Variants in SPRY3 observed in about 807,000 individuals in gnomAD.
SPRY3 encodes sprouty RTK signaling antagonist 3.
In SPRY3, 15 loss-of-function variants were observed where a neutral mutation model predicts 20.2. The observed-to-expected ratio is 0.74, with a 90% confidence interval of 0.50 to 1.14. The LOEUF (loss-of-function observed/expected upper bound fraction) is 1.14. Ranked by LOEUF, SPRY3 falls within the 50% of genes most tolerant of loss-of-function variation. The pLI is 0.00. For synonymous variants in SPRY3, 143 were observed against 136.5 expected, an observed-to-expected ratio of 1.05 and a Z score of -0.33; for missense variants, 364 against 363.9, an observed-to-expected ratio of 1.00 and a Z score of 0.00.
intron 2 of SPRY3, among the ~76,000 whole-genome samples, chrX:155,692,395 A>T (rs1373203864): frequency 1.8e-5 from 2 of 111,482 alleles, no homozygotes; most frequent in Non-Finnish European, 3.8e-5. Flanking sequence ...AGTGACCTAT[A>T]TGTCTATGCT....
intron 2 of SPRY3, among the ~76,000 whole-genome samples, chrX:155,757,642 A>C (rs2091288532): frequency 6.6e-6 from 1 of 152,128 alleles, no homozygotes; most frequent in Admixed American, 6.5e-5. Flanking sequence ...GATACATCCA[A>C]GGATCATTTG....
chrX:155,681,745 T>C (rs747004896), intron 2 of SPRY3, among the ~76,000 whole-genome samples: 1 of 112,625 alleles, frequency 8.9e-6, no homozygotes, highest in Non-Finnish European at 1.9e-5. Flanking sequence ...AGAATTCCCT[T>C]AAGCTGAAGC....
intron 2 of SPRY3, among the ~76,000 whole-genome samples, chrX:155,728,921 A>G (rs2091116414): frequency 6.6e-6 from 1 of 152,204 alleles, no homozygotes; most frequent in African/African-American, 2.4e-5. Flanking sequence ...AGAAGTAGCT[A>G]TACATATACA....
downstream of SPRY3, chrX:155,778,386 A>C (rs990961226): frequency 6.0e-6 from 1 of 167,004 alleles, no homozygotes; most frequent in Non-Finnish European, 1.5e-5. Context: ...AAACTTTTCC[A>C]CTATTCCCTT....
intron 2 of SPRY3, among the ~76,000 whole-genome samples, chrX:155,699,347 A>G (rs981208791): frequency 6.2e-5 from 7 of 112,012 alleles, no homozygotes; most frequent in African/African-American, 1.9e-4. Context: ...GCATTGAGCT[A>G]GAATAGTTGA....
intron 2 of SPRY3, among the ~76,000 whole-genome samples, chrX:155,699,334 G>T (rs1047704277): frequency 9.0e-6 from 1 of 111,711 alleles, no homozygotes; most frequent in Non-Finnish European, 1.9e-5. Context: ...AACCTTGTAA[G>T]AAGCATTGAG....
At chrX:155,746,242 T>C (rs749887640) in intron 2 of SPRY3, among the ~76,000 whole-genome samples, 16 of 152,180 alleles carry the variant, frequency 1.1e-4, no homozygotes, top group South Asian at 6.2e-4. Flanking sequence ...ATCTTTTACA[T>C]TGATTTGTTT....
chrX:155,747,168 A>ATAAT (rs772711262), intron 2 of SPRY3, among the ~76,000 whole-genome samples: 170 of 152,106 alleles, frequency 1.1e-3, no homozygotes, highest in African/African-American at 4.0e-3. Context: ...ACTTCAGCAC[A>ATAAT]TAATTATAGA....
chrX:155,656,747 A>G (rs1330023946), intron 1 of SPRY3, among the ~76,000 whole-genome samples: 7 of 110,886 alleles, frequency 6.3e-5, no homozygotes, highest in African/African-American at 2.3e-4. Context: ...TCTACCTTTG[A>G]TCTTTGAGAT....
At chrX:155,645,374 T>C (rs1229219425) in intron 1 of SPRY3, among the ~76,000 whole-genome samples, 1 of 111,893 alleles carries the variant, frequency 8.9e-6, no homozygotes, top group Non-Finnish European at 1.9e-5. Context: ...ATTTCAACAC[T>C]AGGAGTCACC....
At chrX:155,722,418 G>A (rs2091065629) in intron 2 of SPRY3, among the ~76,000 whole-genome samples, 1 of 152,104 alleles carries the variant, frequency 6.6e-6, no homozygotes, top group Non-Finnish European at 1.5e-5. Flanking sequence ...CTACTCAGGA[G>A]GCTGAGGCAG....
At chrX:155,723,262 T>C (rs751789851) in intron 2 of SPRY3, among the ~76,000 whole-genome samples, 1 of 152,288 alleles carries the variant, frequency 6.6e-6, no homozygotes, top group South Asian at 2.1e-4. Context: ...TGTGTCTTTA[T>C]AGCAGTATGA....
chrX:155,656,852 G>A, intron 1 of SPRY3, among the ~76,000 whole-genome samples: 1 of 111,666 alleles, frequency 9.0e-6, no homozygotes, highest in Admixed American at 9.4e-5. Flanking sequence ...TAACAGTCAG[G>A]CCCCTCTTCT....
At chrX:155,774,437 G>A in exon 4 of SPRY3, 1 of 1,614,022 alleles carries the variant, frequency 6.2e-7, no homozygotes, top group Non-Finnish European at 8.5e-7. Flanking sequence ...ACTTGTCTCT[G>A]CTGTGTCAAG....
At chrX:155,673,229 A>G (rs1478933846) in intron 2 of SPRY3, among the ~76,000 whole-genome samples, 12 of 109,970 alleles carry the variant, frequency 1.1e-4, no homozygotes, top group African/African-American at 4.0e-4. Flanking sequence ...AAAAAAATTA[A>G]AAAAAGAACA....
At chrX:155,736,796 TTCTC>T (rs752404258) in intron 2 of SPRY3, among the ~76,000 whole-genome samples, 1 of 152,050 alleles carries the variant, frequency 6.6e-6, no homozygotes, top group Non-Finnish European at 1.5e-5. Flanking sequence ...TTTTGTTTCT[TTCTC>T]TCTTTCTTCT....
At chrX:155,773,315 T>C (rs995092148) in intron 3 of SPRY3, among the ~76,000 whole-genome samples, 8 of 141,614 alleles carry the variant, frequency 5.6e-5, no homozygotes, top group African/African-American at 2.2e-4. Flanking sequence ...TGGATATATA[T>C]ATATATATAT....
At chrX:155,707,387 G>A (rs925124475) in intron 2 of SPRY3, among the ~76,000 whole-genome samples, 1 of 151,220 alleles carries the variant, frequency 6.6e-6, no homozygotes, top group African/African-American at 2.4e-5. Context: ...GACTTGGTTT[G>A]TGGCCTATTA....
intron 2 of SPRY3, among the ~76,000 whole-genome samples, chrX:155,680,514 T>C (rs2068071543): frequency 9.0e-6 from 1 of 110,936 alleles, no homozygotes; most frequent in African/African-American, 3.3e-5. Flanking sequence ...ATGGGATGGA[T>C]GGCAGGATTG....
Sources: allele counts gnomAD v4.1 joint callset (sites outside exome capture counted in the v4.1 genomes callset), GRCh38; gene constraint gnomAD v4.1.1; transcripts MANE v1.5; gene names NCBI Gene and HGNC (gene_info 2026-07-23, HGNC 2026-07-21).